PIGN: variants seen among roughly 807,000 people sequenced by gnomAD.
PIGN encodes the protein GPI ethanolamine phosphate transferase 1.
In PIGN, 117 loss-of-function variants were observed where a neutral mutation model predicts 125.4. The ratio of observed to expected loss-of-function variants is 0.93; its 90% CI spans 0.80 to 1.09. The LOEUF (loss-of-function observed/expected upper bound fraction) is 1.09. Among genes scored for constraint, PIGN ranks in the 50% least tolerant of loss-of-function variants. The pLI is 0.00. For missense variants in PIGN, 1,075 were observed against 1,094.9 expected (o/e 0.98, Z 0.26); for synonymous variants, 392 against 377.8 (o/e 1.04, Z -0.44).
intron 10 of PIGN, among the ~76,000 whole-genome samples, chr18:62,145,296 CT>C (rs2036283936): frequency 2.0e-5 from 3 of 152,264 alleles, no homozygotes; most frequent in Middle Eastern, 3.4e-3. Flanking sequence ...AATGTCTCCC[CT>C]GTGGACCTAT....
At chr18:62,049,805 T>C (rs1462232621) in intron 30 of PIGN, among the ~76,000 whole-genome samples, 1 of 151,718 alleles carries the variant, frequency 6.6e-6, no homozygotes, top group Admixed American at 6.6e-5. Context: ...AATGCCTAGG[T>C]TTTCTTCTAG....
chr18:62,122,664 T>C (rs1000780007), intron 14 of PIGN, among the ~76,000 whole-genome samples: 5 of 152,146 alleles, frequency 3.3e-5, no homozygotes, highest in Non-Finnish European at 5.9e-5. Flanking sequence ...CAGATGCTAA[T>C]AAAAAAGACC....
chr18:62,074,681 TA>T, intron 29 of PIGN, 97 bp downstream of exon 29: 1 of 724,808 alleles, frequency 1.4e-6, no homozygotes, highest in Non-Finnish European at 2.3e-6. Flanking sequence ...ACTCAACATC[TA>T]AAGATTTCAC....
At chr18:62,134,018 G>A (rs573372306) in intron 14 of PIGN, among the ~76,000 whole-genome samples, 93 of 152,020 alleles carry the variant, frequency 6.1e-4, no homozygotes, top group Non-Finnish European at 1.2e-3. Flanking sequence ...TTGACCCCTT[G>A]TTGTCTCTGG....
At chr18:62,084,944 C>A (rs1447687858) in intron 26 of PIGN, among the ~76,000 whole-genome samples, 1 of 152,024 alleles carries the variant, frequency 6.6e-6, no homozygotes, top group Admixed American at 6.6e-5. Context: ...CCCGTCTCTA[C>A]TAAAAATACA....
downstream of PIGN, among the ~76,000 whole-genome samples, chr18:62,039,043 C>T (rs1019913645): frequency 6.6e-5 from 10 of 151,708 alleles, no homozygotes; most frequent in African/African-American, 2.2e-4. Context: ...AGAGGAGTTA[C>T]AGGAGTGAAA....
intron 6 of PIGN, among the ~76,000 whole-genome samples, chr18:62,155,704 T>A (rs1455630238): frequency 6.6e-6 from 1 of 152,082 alleles, no homozygotes; most frequent in African/African-American, 2.4e-5. Context: ...TCTGACTGGG[T>A]TTGCTGTTTA....
rs1177164836 is a variant in PIGN at position 62,045,719 on chromosome 18, C to T, written c.*137G>A. The T allele has an allele frequency of 7.9e-6, 6 of 759,254 alleles. No homozygotes were observed. The African/African-American group carries it at 1.1e-4, about 13-fold the overall frequency. The allele number at this position is 759,254 out of a possible 1,614,324, so 47.0% of individuals were successfully genotyped here. A position where few individuals can be genotyped will look rare whatever the true frequency, so the allele number is the denominator to read the frequency against. ...CTTTGTTCCAGATAACCTGTCAATT[C>T]GGAATTCCAAATACCATTTTCCTTA... On this transcript the variant is annotated 3_prime_UTR_variant, in exon 31 of 31. Coordinates refer to ENST00000640252, the MANE Select transcript of PIGN (RefSeq NM_176787.5).
chr18:62,111,945 A>T (rs952250991), intron 16 of PIGN, among the ~76,000 whole-genome samples: 5 of 152,098 alleles, frequency 3.3e-5, no homozygotes, highest in Non-Finnish European at 5.9e-5. Flanking sequence ...ATAAAAACAT[A>T]TTTTTTTCTC....
chr18:62,133,609 GT>G lies in PIGN; in HGVS notation c.1172+4633del, dbSNP rs1390103843. On this transcript the variant is annotated intron_variant, in intron 14 of 30. Coordinates refer to ENST00000640252, the MANE Select transcript of PIGN (RefSeq NM_176787.5). ...TATTGAACAGTATTATCCAACATTT[GT>G]TTGTTTATATTGCCTGTTATGTCCT... Among the ~76,000 whole-genome samples, 3 of 152,150 alleles carry G rather than the reference GT, an allele frequency of 2.0e-5. No homozygotes were observed. In the East Asian group the frequency reaches 5.8e-4, roughly 29 times the overall value.
At position 62,163,538 on chromosome 18, in the gene PIGN, G is replaced by T. The variant is rs1045706190; in HGVS notation, c.-117C>A. ...ATCTATATCTAAATTTACCTTCCAG[G>T]TTTATCATCATCTGTTCAAAAAGAT... is the stretch of plus-strand genomic sequence containing the variant. On this transcript the variant is annotated 5_prime_UTR_variant, in exon 2 of 31. Transcript: ENST00000640252. 4 of 152,028 alleles carry T rather than the reference G, an allele frequency of 2.6e-5. No homozygotes were observed. Among genetic ancestry groups the T allele is most frequent in the Admixed American group, 1.3e-4 (2 of 15,248 alleles). The allele number at this position is 152,028 out of a possible 1,614,324, so 9.4% of individuals were successfully genotyped here. A position where few individuals can be genotyped will look rare whatever the true frequency, so the allele number is the denominator to read the frequency against.
At chr18:62,053,557 C>T (rs1460585990) in intron 30 of PIGN, among the ~76,000 whole-genome samples, 3 of 152,132 alleles carry the variant, frequency 2.0e-5, no homozygotes, top group East Asian at 3.9e-4. Flanking sequence ...GTCTAAAAGA[C>T]ACTCACTTCA....
intron 1 of PIGN, among the ~76,000 whole-genome samples, chr18:62,168,140 C>T (rs1045163809): frequency 5.3e-5 from 8 of 151,714 alleles, no homozygotes; most frequent in East Asian, 3.9e-4. Context: ...GCCAAGATTG[C>T]GCCATTGCAC....
At chr18:62,145,014 G>C (rs954624424) in intron 10 of PIGN, among the ~76,000 whole-genome samples, 3 of 17,134 alleles carry the variant, frequency 1.8e-4, no homozygotes, top group Non-Finnish European at 3.0e-4. Flanking sequence ...CTGGCGGGGG[G>C]GGGGGGGCAG....
chr18:62,140,142 A>C (rs2036080514), intron 12 of PIGN, among the ~76,000 whole-genome samples: 1 of 152,162 alleles, frequency 6.6e-6, no homozygotes, highest in Non-Finnish European at 1.5e-5. Flanking sequence ...GAGGTATTGC[A>C]TATTTAGAAA....
intron 14 of PIGN, among the ~76,000 whole-genome samples, chr18:62,123,232 CCT>C (rs910142440): frequency 9.2e-5 from 14 of 151,914 alleles, no homozygotes; most frequent in African/African-American, 3.4e-4. Flanking sequence ...AGCGTAAGAC[CCT>C]CTTTCTAAAA....
chr18:62,033,565 C>T (rs78605570), intron 23 of PIGN, among the ~76,000 whole-genome samples: 1 of 152,162 alleles, frequency 6.6e-6, no homozygotes, highest in African/African-American at 2.4e-5. Flanking sequence ...GGAATTAAAT[C>T]TTTTACTTCT....
rs967300695 is a variant in PIGN at position 62,047,427 on chromosome 18, G to A, written c.2673-1448C>T. On this transcript the variant is annotated intron_variant, in intron 30 of 30. Transcript: ENST00000640252. ...GTCATGTCAGAGGAGGCCTAGTGGA[G>A]AGCCAGGAATTCCACCTCCACTCAG... Among the ~76,000 whole-genome samples, 7 of 152,330 alleles carry A rather than the reference G, an allele frequency of 4.6e-5. 1 individual carries two copies. In the Middle Eastern group the frequency reaches 0.01, roughly 222 times the overall value.
At chr18:62,138,488 G>A (rs2036016219) in intron 13 of PIGN, among the ~76,000 whole-genome samples, 190 bp from the exon 14 acceptor site, 1 of 152,042 alleles carries the variant, frequency 6.6e-6, no homozygotes, top group Non-Finnish European at 1.5e-5. Flanking sequence ...TCAATAAGCT[G>A]AGAATTAAAC....
Sources: allele counts gnomAD v4.1 joint callset (sites outside exome capture counted in the v4.1 genomes callset), GRCh38; gene constraint gnomAD v4.1.1; transcripts MANE v1.5; gene names NCBI Gene and HGNC (gene_info 2026-07-23, HGNC 2026-07-21).